TMEM131: variants seen among roughly 807,000 people sequenced by gnomAD.
TMEM131 encodes the protein transmembrane protein 131, also known as 2610524E03Rik.
A neutral mutation model predicts 211.6 loss-of-function variants in TMEM131; 66 were observed. The ratio of observed to expected loss-of-function variants is 0.31; its 90% CI spans 0.26 to 0.38. The LOEUF is 0.38. Ranked by LOEUF, TMEM131 falls within the 10% of genes least tolerant of loss-of-function variation. The pLI is 1.00. For synonymous variants in TMEM131, 844 were observed against 841.3 expected (o/e 1.00, Z -0.06); for missense variants, 2,036 against 2,299.3 (o/e 0.89, Z 2.34).
chr2:97,820,443 T>C (rs562237686), intron 11 of TMEM131, among the ~76,000 whole-genome samples: 4 of 152,250 alleles, frequency 2.6e-5, no homozygotes, highest in African/African-American at 9.6e-5. Context: ...AGAGAGGAAA[T>C]CAGTACAGAA....
chr2:97,952,680 C>G (rs1678378722), intron 1 of TMEM131, among the ~76,000 whole-genome samples: 1 of 152,072 alleles, frequency 6.6e-6, no homozygotes, highest in Non-Finnish European at 1.5e-5. Context: ...AGCTCGAGAC[C>G]AGCCTGGGCA....
chr2:97,873,265 A>G (rs547671997), intron 4 of TMEM131, among the ~76,000 whole-genome samples: 1 of 152,334 alleles, frequency 6.6e-6, no homozygotes, highest in African/African-American at 2.4e-5. Flanking sequence ...ACTTATAGAT[A>G]AATCCCCAGC....
At chr2:97,811,440 G>A (rs1348046761) in intron 17 of TMEM131, among the ~76,000 whole-genome samples, 1 of 152,172 alleles carries the variant, frequency 6.6e-6, no homozygotes, top group Non-Finnish European at 1.5e-5. Context: ...ATGGGCCACT[G>A]AAAAAGCTGG....
intron 1 of TMEM131, among the ~76,000 whole-genome samples, chr2:97,983,824 G>C (rs529981191): frequency 6.6e-6 from 1 of 152,306 alleles, no homozygotes; most frequent in Admixed American, 6.5e-5. Flanking sequence ...CTGCAGTAAT[G>C]ACAGTCTCAA....
intron 1 of TMEM131, among the ~76,000 whole-genome samples, chr2:97,933,851 C>T (rs1210855450): frequency 6.6e-6 from 1 of 152,080 alleles, no homozygotes; most frequent in Non-Finnish European, 1.5e-5. Context: ...CCGAACACCT[C>T]TTCATGATAA....
chr2:97,949,258 A>G (rs1678189297), intron 1 of TMEM131, among the ~76,000 whole-genome samples: 1 of 152,208 alleles, frequency 6.6e-6, no homozygotes, highest in African/African-American at 2.4e-5. Context: ...GGGAGACAAC[A>G]GAAGAGTAAA....
At chr2:97,782,434 C>T (rs1211495109) in intron 31 of TMEM131, among the ~76,000 whole-genome samples, 1 of 152,186 alleles carries the variant, frequency 6.6e-6, no homozygotes, top group African/African-American at 2.4e-5. Flanking sequence ...CCCAAATGGT[C>T]CAGGTTTCAA....
At chr2:97,765,894 G>A (rs1356615697) in intron 35 of TMEM131, among the ~76,000 whole-genome samples, 2 of 151,926 alleles carry the variant, frequency 1.3e-5, no homozygotes, top group East Asian at 1.9e-4. Flanking sequence ...GCCCTGATGT[G>A]AATTGTTGAA....
intron 1 of TMEM131, among the ~76,000 whole-genome samples, chr2:97,984,569 C>T (rs546231222): frequency 5.9e-5 from 9 of 152,042 alleles, no homozygotes; most frequent in South Asian, 4.2e-4. Context: ...GATCACATGG[C>T]GGCAAGGGGG....
chr2:97,900,117 G>T (rs1444035446), intron 3 of TMEM131, among the ~76,000 whole-genome samples: 1 of 152,100 alleles, frequency 6.6e-6, no homozygotes, highest in Non-Finnish European at 1.5e-5. Flanking sequence ...CATGGTACAG[G>T]TAGAGTATCA....
intron 1 of TMEM131, among the ~76,000 whole-genome samples, chr2:97,936,273 G>C (rs1288066106): frequency 1.3e-5 from 2 of 152,200 alleles, no homozygotes; most frequent in Non-Finnish European, 2.9e-5. Context: ...ATGTCCACAG[G>C]GGCTGTAAAA....
At chr2:97,759,158 G>A in intron 39 of TMEM131, 105 bp from the exon 40 acceptor site, 2 of 1,422,398 alleles carry the variant, frequency 1.4e-6, no homozygotes, top group Non-Finnish European at 1.9e-6. Flanking sequence ...TGCTCCTGGA[G>A]CCACCACACC....
intron 1 of TMEM131, 146 bp from the exon 2 acceptor site, chr2:97,927,633 T>C (rs951081319): frequency 1.7e-5 from 9 of 524,128 alleles, no homozygotes; most frequent in Non-Finnish European, 2.5e-5. Flanking sequence ...ATATGACTAA[T>C]ACTTCAGAAT....
intron 3 of TMEM131, among the ~76,000 whole-genome samples, chr2:97,893,006 T>C (rs1675445806): frequency 6.6e-6 from 1 of 152,098 alleles, no homozygotes; most frequent in Non-Finnish European, 1.5e-5. Context: ...CATCAACCCA[T>C]CACCTGTATT....
chr2:97,894,800 A>G (rs1034382622), intron 3 of TMEM131, among the ~76,000 whole-genome samples: 2 of 152,224 alleles, frequency 1.3e-5, no homozygotes, highest in Non-Finnish European at 2.9e-5. Context: ...TAAATATACC[A>G]TCATTTCATC....
intron 1 of TMEM131, among the ~76,000 whole-genome samples, chr2:97,942,024 A>T (rs940081109): frequency 6.6e-6 from 1 of 152,170 alleles, no homozygotes; most frequent in South Asian, 2.1e-4. Flanking sequence ...ACACATGCAC[A>T]CATATGTTTA....
chr2:97,930,770 T>A (rs1677185679), intron 1 of TMEM131, among the ~76,000 whole-genome samples: 1 of 151,876 alleles, frequency 6.6e-6, no homozygotes, highest in African/African-American at 2.4e-5. Flanking sequence ...AAACCAGAAC[T>A]AGTAACAGCT....
At chr2:97,774,460 C>T (rs1573338129) in intron 32 of TMEM131, among the ~76,000 whole-genome samples, 2 of 152,334 alleles carry the variant, frequency 1.3e-5, no homozygotes, top group South Asian at 2.1e-4. Flanking sequence ...CACACGGCCT[C>T]TATGCAGATT....
At chr2:97,906,905 T>C (rs1206956733) in intron 3 of TMEM131, among the ~76,000 whole-genome samples, 3 of 152,258 alleles carry the variant, frequency 2.0e-5, no homozygotes, top group Non-Finnish European at 2.9e-5. Flanking sequence ...AAGTAGATAA[T>C]AGATAAGTAG....
Sources: gnomAD v4.1 joint callset for allele counts (sites outside exome capture counted in the v4.1 genomes callset) on GRCh38, gnomAD v4.1.1 for gene constraint, MANE v1.5 for transcripts, NCBI Gene and HGNC (gene_info 2026-07-23, HGNC 2026-07-21) for gene names.